Variants in ARHGAP42 observed in about 807,000 individuals in gnomAD.
ARHGAP42 encodes the protein Rho GTPase activating protein 42, also known as rho GTPase-activating protein 42.
ARHGAP42 carries 63 observed loss-of-function variants against 125.0 expected under a neutral mutation model. That is an observed-to-expected ratio of 0.50 (90% CI 0.41 to 0.62). The LOEUF is 0.62. ARHGAP42 is among the 20% of genes least tolerant of loss of function. The probability of loss-of-function intolerance (pLI) is 0.00; values close to 1 mark genes in which losing one functional copy is unlikely to be tolerated. For synonymous variants in ARHGAP42, 339 were observed against 351.0 expected, an observed-to-expected ratio of 0.97 and a Z score of 0.38; for missense variants, 766 against 1,024.2, an observed-to-expected ratio of 0.75 and a Z score of 3.44.
chr11:100,872,208 T>C (rs1420340494), intron 4 of ARHGAP42, among the ~76,000 whole-genome samples: 2 of 152,180 alleles, frequency 1.3e-5, no homozygotes, highest in African/African-American at 4.8e-5. Flanking sequence ...ATAGTGTATT[T>C]ATATTGATCA....
intron 4 of ARHGAP42, among the ~76,000 whole-genome samples, chr11:100,899,687 G>C: frequency 1.7e-5 from 2 of 120,842 alleles, no homozygotes; most frequent in South Asian, 6.1e-4. Context: ...TTGTTTGTTT[G>C]TTTGTTTTGT....
At chr11:100,692,452 A>G (rs1861207258) in intron 1 of ARHGAP42, among the ~76,000 whole-genome samples, 1 of 152,216 alleles carries the variant, frequency 6.6e-6, no homozygotes, top group Non-Finnish European at 1.5e-5. Flanking sequence ...TTTTCTTCTC[A>G]GAGATTGCTG....
At chr11:100,967,857 G>C (rs912530854) in intron 17 of ARHGAP42, among the ~76,000 whole-genome samples, 1 of 152,038 alleles carries the variant, frequency 6.6e-6, no homozygotes, top group African/African-American at 2.4e-5. Context: ...GGTACTAGAG[G>C]CATGTGACAC....
intron 23 of ARHGAP42, 57 bp from the exon 24 acceptor site, chr11:100,988,656 A>G (rs1565309350): frequency 6.5e-6 from 9 of 1,389,934 alleles, no homozygotes; most frequent in African/African-American, 5.7e-5. Flanking sequence ...CCATCTGTTT[A>G]TATAATTATT....
intron 6 of ARHGAP42, among the ~76,000 whole-genome samples, chr11:100,930,078 C>T (rs934824041): frequency 3.3e-5 from 5 of 152,160 alleles, no homozygotes; most frequent in Non-Finnish European, 7.4e-5. Context: ...ATAAAAGGAA[C>T]TTTCTTAGTA....
intron 14 of ARHGAP42, 123 bp from the exon 15 acceptor site, chr11:100,961,561 T>C (rs1023436340): frequency 6.5e-6 from 5 of 767,340 alleles, no homozygotes; most frequent in South Asian, 1.9e-5. Flanking sequence ...ATGTTAACTC[T>C]TGGCATTCTA....
chr11:100,978,073 G>C (rs1336772375), intron 21 of ARHGAP42, among the ~76,000 whole-genome samples: 3 of 152,140 alleles, frequency 2.0e-5, no homozygotes, highest in African/African-American at 7.2e-5. Flanking sequence ...ACTCCCCACT[G>C]TGTGTAGTTC....
At chr11:100,947,292 A>C (rs2510625) in intron 10 of ARHGAP42, among the ~76,000 whole-genome samples, 133,958 of 151,844 alleles carry the variant, frequency 0.88, 59,181 homozygotes, top group East Asian at 1. Context: ...ATTTATATAT[A>C]ATTCTCTTAT....
chr11:100,744,555 T>TGC (rs1427821813), intron 1 of ARHGAP42, among the ~76,000 whole-genome samples: 1 of 125,792 alleles, frequency 7.9e-6, no homozygotes, highest in Non-Finnish European at 1.7e-5. Flanking sequence ...TGTGTGTGTG[T>TGC]GTGTGTGTGC....
intron 1 of ARHGAP42, 80 bp from the exon 2 acceptor site, chr11:100,770,263 A>T (rs1862941291): frequency 1.1e-6 from 1 of 927,698 alleles, no homozygotes. Flanking sequence ...AATCAAAGTT[A>T]TATAATTTTA....
At chr11:100,982,063 G>A (rs1858558678) in intron 22 of ARHGAP42, among the ~76,000 whole-genome samples, 1 of 152,158 alleles carries the variant, frequency 6.6e-6, no homozygotes, top group Non-Finnish European at 1.5e-5. Flanking sequence ...ATAGGTGAAG[G>A]TGAAGGTACC....
chr11:100,857,761 G>T (rs180830988), intron 3 of ARHGAP42, among the ~76,000 whole-genome samples: 8 of 152,086 alleles, frequency 5.3e-5, no homozygotes, highest in Admixed American at 1.3e-4. Context: ...ATTTGTCATT[G>T]AGTCCCTTTG....
At chr11:100,975,856 C>T (rs1375402758) in intron 19 of ARHGAP42, among the ~76,000 whole-genome samples, 6 of 152,182 alleles carry the variant, frequency 3.9e-5, no homozygotes, top group African/African-American at 4.8e-5. Context: ...TTGAAAAATA[C>T]GTTTGGCAAG....
intron 1 of ARHGAP42, among the ~76,000 whole-genome samples, chr11:100,731,232 C>T (rs1203134631): frequency 6.6e-6 from 1 of 151,702 alleles, no homozygotes; most frequent in Non-Finnish European, 1.5e-5. Context: ...CATCTTGGCT[C>T]ACTGCAACCT....
intron 2 of ARHGAP42, among the ~76,000 whole-genome samples, chr11:100,782,733 C>T (rs149500928): frequency 8.0e-4 from 122 of 152,100 alleles, no homozygotes; most frequent in African/African-American, 2.7e-3. Flanking sequence ...GTTGGTGAGT[C>T]GTGATTCAGG....
chr11:100,878,384 T>C (rs1865873932), intron 4 of ARHGAP42, among the ~76,000 whole-genome samples: 1 of 152,156 alleles, frequency 6.6e-6, no homozygotes. Flanking sequence ...GCTGGTCCTC[T>C]CTGCCGAGTC....
intron 6 of ARHGAP42, among the ~76,000 whole-genome samples, chr11:100,929,527 A>G (rs1455808357): frequency 6.6e-6 from 1 of 152,196 alleles, no homozygotes; most frequent in African/African-American, 2.4e-5. Context: ...CACTCCCACC[A>G]GTGATATATG....
intron 3 of ARHGAP42, among the ~76,000 whole-genome samples, chr11:100,825,170 A>G (rs1296512988): frequency 6.6e-6 from 1 of 152,324 alleles, no homozygotes; most frequent in East Asian, 1.9e-4. Context: ...ATCAACTGGC[A>G]TAGACTACCC....
At position 100,993,437 on chromosome 11, in the gene ARHGAP42, A is replaced by G. The variant is rs1858895693; in HGVS notation, c.*4636A>G. The G allele has an allele frequency of 6.0e-6, 1 of 166,940 alleles. No individual in the cohort carries two copies. Among genetic ancestry groups the G allele is most frequent in the Non-Finnish European group, 1.5e-5 (1 of 68,092 alleles). 10.3% of individuals were successfully genotyped at this position (166,940 alleles called of 1,614,324 possible). ...CTCCTTTTTGCAGAGAACGATCCCC[A>G]CAGGAACTGGTCTAAGAACACTGTC... is the stretch of plus-strand genomic sequence containing the variant. On this transcript the variant is annotated 3_prime_UTR_variant, in exon 24 of 24. Transcript: ENST00000298815.
Sources: gnomAD v4.1 joint callset for allele counts (sites outside exome capture counted in the v4.1 genomes callset) on GRCh38, gnomAD v4.1.1 for gene constraint, MANE v1.5 for transcripts, NCBI Gene and HGNC (gene_info 2026-07-23, HGNC 2026-07-21) for gene names.